TDRD3: variants seen among roughly 807,000 people sequenced by gnomAD.
TDRD3 encodes the protein tudor domain containing 3.
In TDRD3, 45 loss-of-function variants were observed where a neutral mutation model predicts 86.7. That is an observed-to-expected ratio of 0.52 (90% CI 0.41 to 0.67). TDRD3 has a LOEUF of 0.67. Among genes scored for constraint, TDRD3 ranks in the 30% least tolerant of loss-of-function variants. The probability of loss-of-function intolerance (pLI) is 0.00; values close to 1 mark genes in which losing one functional copy is unlikely to be tolerated. For synonymous variants in TDRD3, 298 were observed against 301.7 expected, an observed-to-expected ratio of 0.99 and a Z score of 0.13; for missense variants, 814 against 889.0, an observed-to-expected ratio of 0.92 and a Z score of 1.07.
intron 1 of TDRD3, among the ~76,000 whole-genome samples, chr13:60,436,324 TTGCCTA>T (rs1346977779): frequency 6.6e-6 from 1 of 152,172 alleles, no homozygotes; most frequent in East Asian, 1.9e-4. Context: ...CATGAATTCT[TTGCCTA>T]TGCCAATGTC....
intron 11 of TDRD3, among the ~76,000 whole-genome samples, chr13:60,532,942 C>CATTATAAGTTGAAAAT (rs1351287984): frequency 6.6e-6 from 1 of 151,986 alleles, no homozygotes; most frequent in Non-Finnish European, 1.5e-5. Context: ...CCAATAAACC[C>CATTATAAGTTGAAAAT]ATCATAAGTT....
chr13:60,403,957 ACAC>A (rs1213062879), intron 1 of TDRD3, among the ~76,000 whole-genome samples: 1 of 152,238 alleles, frequency 6.6e-6, no homozygotes, highest in Non-Finnish European at 1.5e-5. Flanking sequence ...TACCTCCTGT[ACAC>A]AAAGCACTGT....
In TDRD3 at chr13:60,458,544, A is replaced by G. The variant is rs539009109; in HGVS notation, c.193-1836A>G. 6.6e-5 allele frequency among the ~76,000 whole-genome samples: 10 copies of G among 152,248 alleles called. No homozygotes were observed. In the South Asian group the frequency reaches 1.0e-3, roughly 16 times the overall value. On this transcript the variant is annotated intron_variant, in intron 3 of 13. Coordinates refer to ENST00000377881, the MANE Select transcript of TDRD3 (RefSeq NM_001146070.2). ...GTAAAGTTGGATTTTTTTGACTACT[A>G]AACATTAAATAAAAGCAAATGTTTC...
intron 12 of TDRD3, among the ~76,000 whole-genome samples, chr13:60,543,455 T>A (rs1008069822): frequency 1.8e-4 from 28 of 152,202 alleles, no homozygotes; most frequent in Non-Finnish European, 2.8e-4. Flanking sequence ...AAGAGAGATA[T>A]ATAATGTATG....
intron 11 of TDRD3, among the ~76,000 whole-genome samples, chr13:60,532,708 C>T (rs1957613197): frequency 6.6e-6 from 1 of 152,128 alleles, no homozygotes; most frequent in African/African-American, 2.4e-5. Context: ...CTGGAAAGTT[C>T]TTCTTCCTGT....
chr13:60,450,795 A>G (rs1052523164), intron 3 of TDRD3, among the ~76,000 whole-genome samples: 3 of 152,176 alleles, frequency 2.0e-5, no homozygotes, highest in African/African-American at 7.2e-5. Context: ...AAAGGTGTGT[A>G]CAATAAAGGG....
chr13:60,563,044 C>T (rs1264647705), intron 12 of TDRD3, among the ~76,000 whole-genome samples: 1 of 151,946 alleles, frequency 6.6e-6, no homozygotes, highest in Non-Finnish European at 1.5e-5. Context: ...GCCTGGACAA[C>T]ATGATGAAAC....
At chr13:60,543,247 GTTA>G (rs1229853812) in intron 12 of TDRD3, among the ~76,000 whole-genome samples, 1 of 152,066 alleles carries the variant, frequency 6.6e-6, no homozygotes, top group Non-Finnish European at 1.5e-5. Flanking sequence ...GAATACAAAA[GTTA>G]TTATTTTTTT....
chr13:60,547,912 T>C (rs1342697041), intron 12 of TDRD3, among the ~76,000 whole-genome samples: 1 of 152,184 alleles, frequency 6.6e-6, no homozygotes, highest in Admixed American at 6.5e-5. Context: ...AAAGAATCTC[T>C]AATGCATGAA....
At chr13:60,487,617 A>G (rs537502655) in intron 7 of TDRD3, among the ~76,000 whole-genome samples, 2 of 152,274 alleles carry the variant, frequency 1.3e-5, no homozygotes, top group East Asian at 3.9e-4. Flanking sequence ...CCTAGAACCA[A>G]TCCCTCACGG....
At chr13:60,509,951 A>G (rs1957022336) in intron 9 of TDRD3, 32 bp downstream of exon 9, 1 of 1,599,870 alleles carries the variant, frequency 6.3e-7, no homozygotes, top group East Asian at 2.2e-5. Context: ...GCCAGATAGT[A>G]TTGTTTGCTT....
At chr13:60,465,042 A>T (rs1017483579) in intron 4 of TDRD3, among the ~76,000 whole-genome samples, 6 of 152,320 alleles carry the variant, frequency 3.9e-5, no homozygotes, top group Middle Eastern at 3.4e-3. Flanking sequence ...GTGTCAAAAT[A>T]TCACACATAC....
intron 12 of TDRD3, among the ~76,000 whole-genome samples, chr13:60,556,141 C>T (rs1305526436): frequency 1.3e-5 from 2 of 152,282 alleles, no homozygotes; most frequent in East Asian, 1.9e-4. Flanking sequence ...CCACCGCACC[C>T]GGCCCAACCT....
At chr13:60,433,023 ATCT>A (rs1444134330) in intron 1 of TDRD3, among the ~76,000 whole-genome samples, 1 of 152,126 alleles carries the variant, frequency 6.6e-6, no homozygotes, top group East Asian at 1.9e-4. Context: ...CTGTCCAGAT[ATCT>A]TCTTATTTTT....
chr13:60,410,660 C>G (rs1011197050), intron 1 of TDRD3, among the ~76,000 whole-genome samples: 1 of 152,160 alleles, frequency 6.6e-6, no homozygotes, highest in East Asian at 1.9e-4. Context: ...TGAGATTTCT[C>G]AGGATCGTTT....
At chr13:60,444,435 A>G (rs928279127) in intron 2 of TDRD3, among the ~76,000 whole-genome samples, 25 of 151,966 alleles carry the variant, frequency 1.6e-4, no homozygotes, top group African/African-American at 5.5e-4. Flanking sequence ...GTAAATAAAA[A>G]GGTTACCTAA....
rs574556261 is a variant in TDRD3 at position 60,510,785 on chromosome 13, TTTTC to T, written c.1141+38_1141+41del. On this transcript the variant is annotated intron_variant, in intron 10 of 13. Transcript: ENST00000377881. Reference sequence around the variant, plus strand: ...GCTAATTTAAAGTTGATTCCTTTTTTTTTCTTTCTTTTCTTTCTTTTTTTTTTTT... The same window carrying T: ...GCTAATTTAAAGTTGATTCCTTTTTTTTTCTTTTCTTTCTTTTTTTTTTTT... 191 of 1,495,152 alleles carry T rather than the reference TTTTC, an allele frequency of 1.3e-4. 2 individuals carry two copies. In the South Asian group the frequency reaches 2.4e-3, roughly 18 times the overall value. The allele number at this position is 1,495,152 out of a possible 1,614,324, so 92.6% of individuals were successfully genotyped here.
At chr13:60,456,311 G>A (rs74636300) in intron 3 of TDRD3, among the ~76,000 whole-genome samples, 1,696 of 152,144 alleles carry the variant, frequency 0.011, 40 homozygotes, top group African/African-American at 0.039. Context: ...TTTCATATCC[G>A]TTGGTATGAC....
chr13:60,412,815 A>G (rs1954397417), intron 1 of TDRD3, among the ~76,000 whole-genome samples: 1 of 152,072 alleles, frequency 6.6e-6, no homozygotes, highest in South Asian at 2.1e-4. Flanking sequence ...AGTAGCTTTC[A>G]TTTCATGTGT....
Sources: allele counts gnomAD v4.1 joint callset (sites outside exome capture counted in the v4.1 genomes callset), GRCh38; gene constraint gnomAD v4.1.1; transcripts MANE v1.5; gene names NCBI Gene and HGNC (gene_info 2026-07-23, HGNC 2026-07-21).